Variants in TNS4 observed in about 807,000 individuals in gnomAD.
TNS4 encodes tensin 4.
TNS4 carries 46 observed loss-of-function variants against 70.4 expected under a neutral mutation model. The observed-to-expected ratio is 0.65, with a 90% CI of 0.52 to 0.84. The LOEUF (loss-of-function observed/expected upper bound fraction) is 0.84. TNS4 is among the 40% of genes least tolerant of loss of function. TNS4 has a pLI of 0.00. For missense variants in TNS4, 863 were observed against 907.0 expected, an observed-to-expected ratio of 0.95 and a Z score of 0.62; for synonymous variants, 390 against 366.6, an observed-to-expected ratio of 1.06 and a Z score of -0.73.
At position 40,484,958 on chromosome 17, in the gene TNS4, A is replaced by C. The variant is rs919411301; in HGVS notation, c.1338T>G (p.Ser446=). 4 of 1,614,088 alleles carry C rather than the reference A, an allele frequency of 2.5e-6. No individual in the cohort carries two copies. The highest frequency in any genetic ancestry group is 3.4e-6 in the Non-Finnish European group (4 of 1,180,042). ...QPTMKFVMDT[S]KYWFKPNITR... Reference sequence around the variant, plus strand: ...TGATGTTTGGCTTAAACCAGTATTTAGATGTGTCCATCACGAACTTCATGG... The same window carrying C: ...TGATGTTTGGCTTAAACCAGTATTTCGATGTGTCCATCACGAACTTCATGG... Residue 446 remains serine (S), a synonymous_variant, in exon 5 of 13, where the codon TCT becomes TCG. Transcript: ENST00000254051.
At position 40,496,443 on chromosome 17, in the gene TNS4, C is replaced by G. The variant is rs1469601634; in HGVS notation, c.-18G>C. 1 of 1,604,224 alleles carries G rather than the reference C, an allele frequency of 6.2e-7. No individual in the cohort carries two copies. The highest frequency in any genetic ancestry group is 2.2e-4 in the Middle Eastern group (1 of 4,554). The stretch of plus-strand genomic sequence containing the variant: ...TGGGACATGGTGGGGGTGGTGACCT[C>G]TGCAGTTTACCTCTGGTCTTCAACC... On this transcript the variant is annotated 5_prime_UTR_variant, in exon 2 of 13. Coordinates refer to ENST00000254051, the MANE Select transcript of TNS4 (RefSeq NM_032865.6).
intron 1 of TNS4, among the ~76,000 whole-genome samples, chr17:40,497,118 CAAGT>C (rs1280689624): frequency 6.6e-6 from 1 of 152,048 alleles, no homozygotes; most frequent in South Asian, 2.1e-4. Context: ...GTGAAACAGA[CAAGT>C]AAGTGGGTGA....
In TNS4 at chr17:40,478,602, C is replaced by G; in HGVS notation, c.1957G>C (p.Gly653Arg). Reference sequence around the variant, plus strand: ...TACTTCCGTTGCTCAGGGTCCATACCACAGAAGCGGAGGGTGGTGAGTGGG... The same window carrying G: ...TACTTCCGTTGCTCAGGGTCCATACGACAGAAGCGGAGGGTGGTGAGTGGG... ...HYPLTTLRFC[G>R]MDPEQRKWQK... The change falls in exon 11 of 13, where the codon GGT becomes CGT. Residue 653 changes from glycine (G) to arginine (R), a missense_variant. Coordinates refer to ENST00000254051, the MANE Select transcript of TNS4 (RefSeq NM_032865.6). 1.2e-6 allele frequency: 2 copies of G among 1,614,158 alleles called. No individual in the cohort carries two copies. The highest frequency in any genetic ancestry group is 1.7e-6 in the Non-Finnish European group (2 of 1,180,016).
At chr17:40,499,750 T>C (rs1373444491) in intron 1 of TNS4, among the ~76,000 whole-genome samples, 1 of 152,166 alleles carries the variant, frequency 6.6e-6, no homozygotes, top group Non-Finnish European at 1.5e-5. Context: ...GAACCACGGC[T>C]TTTTCCACAC....
intron 6 of TNS4, among the ~76,000 whole-genome samples, chr17:40,482,629 C>A (rs1055794417): frequency 6.6e-6 from 1 of 151,602 alleles, no homozygotes; most frequent in African/African-American, 2.4e-5. Flanking sequence ...GTCACACACA[C>A]AAAGCCGGGC....
At chr17:40,500,729 A>T (rs1486627878) in intron 1 of TNS4, among the ~76,000 whole-genome samples, 5 of 152,056 alleles carry the variant, frequency 3.3e-5, no homozygotes, top group Non-Finnish European at 7.4e-5. Flanking sequence ...CCCCCAAAGC[A>T]CTTTGCCTCA....
At chr17:40,487,776 C>T (rs528536744) in intron 3 of TNS4, among the ~76,000 whole-genome samples, 162 of 152,354 alleles carry the variant, frequency 1.1e-3, no homozygotes, top group African/African-American at 3.5e-3. Context: ...ACTGAGCTGT[C>T]GGATCAGGAT....
chr17:40,493,701 CA>C (rs1353735176), intron 2 of TNS4, among the ~76,000 whole-genome samples: 1 of 152,196 alleles, frequency 6.6e-6, no homozygotes, highest in Non-Finnish European at 1.5e-5. Context: ...GTTGGGTGGA[CA>C]CATGTTCACA....
chr17:40,481,538 G>A (rs9911501), intron 8 of TNS4, among the ~76,000 whole-genome samples: 24,014 of 151,978 alleles, frequency 0.16, 2,030 homozygotes, highest in Middle Eastern at 0.24. Context: ...CTAAATTTTT[G>A]TATTTTTAGT....
At chr17:40,481,273 G>T (rs2035918306) in intron 8 of TNS4, among the ~76,000 whole-genome samples, 1 of 152,222 alleles carries the variant, frequency 6.6e-6, no homozygotes, top group South Asian at 2.1e-4. Flanking sequence ...TTCAAGGTCT[G>T]ACTCTGTGGG....
At chr17:40,499,578 C>G (rs1294908391) in intron 1 of TNS4, among the ~76,000 whole-genome samples, 2 of 152,374 alleles carry the variant, frequency 1.3e-5, no homozygotes, top group South Asian at 2.1e-4. Context: ...CCTGCCTCCC[C>G]CAACGCCCGT....
chr17:40,484,409 CA>C (rs2035964207), intron 6 of TNS4, 74 bp downstream of exon 6: 1 of 1,571,174 alleles, frequency 6.4e-7, no homozygotes, highest in Non-Finnish European at 8.6e-7. Context: ...AAGCTAGTGC[CA>C]GAGCCAGGAC....
chr17:40,479,871 C>A, intron 9 of TNS4, 29 bp from the exon 10 acceptor site: 2 of 1,584,362 alleles, frequency 1.3e-6, no homozygotes, highest in Non-Finnish European at 1.7e-6. Flanking sequence ...GCGCTGGGGC[C>A]ACTGACCCAG....
chr17:40,491,897 A>G (rs994988343), intron 2 of TNS4, among the ~76,000 whole-genome samples: 4 of 152,162 alleles, frequency 2.6e-5, no homozygotes, highest in African/African-American at 9.7e-5. Context: ...GGGGCGGGTA[A>G]ACAGCCTTGC....
chr17:40,477,787 G>A (rs931705737), intron 12 of TNS4, 58 bp from the exon 13 acceptor site: 9 of 1,582,222 alleles, frequency 5.7e-6, no homozygotes, highest in Non-Finnish European at 4.3e-6. Flanking sequence ...TCAGGCTGGT[G>A]GGAATGGGGT....
At chr17:40,495,161 C>G (rs1377094814) in intron 2 of TNS4, among the ~76,000 whole-genome samples, 2 of 152,124 alleles carry the variant, frequency 1.3e-5, no homozygotes, top group African/African-American at 4.8e-5. Flanking sequence ...AAATAACTTA[C>G]ATTAAAAACA....
rs1381123322 is a variant in TNS4, at chr17:40,476,230, T to TGGGGGGG, written c.*1357_*1358insCCCCCCC. On this transcript the variant is annotated 3_prime_UTR_variant, in exon 13 of 13. Coordinates refer to ENST00000254051, the MANE Select transcript of TNS4 (RefSeq NM_032865.6). ...ATGGTTCCAGCTTCTGGAGGCTGGG[T>TGGGGGGG]GGGGGTGGGGTGGGGGTGGGTGTGG... 7.6e-4 allele frequency: 1 copy of TGGGGGGG among 1,318 alleles called. No individual in the cohort carries two copies. Among genetic ancestry groups the TGGGGGGG allele is most frequent in the Non-Finnish European group, 1.6e-3 (1 of 618 alleles). The allele number at this position is 1,318 out of a possible 1,614,324, so 0.1% of individuals were successfully genotyped here.
intron 1 of TNS4, among the ~76,000 whole-genome samples, chr17:40,499,185 T>C (rs927562464): frequency 5.3e-5 from 8 of 152,196 alleles, no homozygotes; most frequent in African/African-American, 9.7e-5. Flanking sequence ...AGACATTGTA[T>C]AGAAATGCAC....
At chr17:40,478,229 A>G (rs2143774227) in intron 12 of TNS4, 78 bp downstream of exon 12, 1 of 1,586,856 alleles carries the variant, frequency 6.3e-7, no homozygotes, top group Non-Finnish European at 8.7e-7. Context: ...TGGACTATTA[A>G]AGTCAGAATG....
Sources: allele counts gnomAD v4.1 joint callset (sites outside exome capture counted in the v4.1 genomes callset), GRCh38; gene constraint gnomAD v4.1.1; transcripts MANE v1.5; gene names NCBI Gene and HGNC (gene_info 2026-07-23, HGNC 2026-07-21).